HTT-AS: variants seen among roughly 807,000 people sequenced by gnomAD.
HTT-AS encodes HTT antisense RNA.
chr4:3,049,906 T>TCACACACACACACA (rs57430954), intron 2 of HTT-AS, among the ~76,000 whole-genome samples: 4 of 134,676 alleles, frequency 3.0e-5, no homozygotes, highest in Admixed American at 7.7e-5. Context: ...TTGTAAGTTA[T>TCACACACACACACA]CACACACACA....
chr4:3,055,492 C>T (rs181777356), intron 2 of HTT-AS, among the ~76,000 whole-genome samples: 7 of 152,192 alleles, frequency 4.6e-5, no homozygotes, highest in Non-Finnish European at 8.8e-5. Context: ...GCGATAGTAA[C>T]TAAGCTAAAA....
intron 2 of HTT-AS, among the ~76,000 whole-genome samples, chr4:3,059,982 C>T (rs188112167): frequency 7.0e-6 from 1 of 143,790 alleles, no homozygotes; most frequent in Non-Finnish European, 1.5e-5. Flanking sequence ...AGTTCAGTGG[C>T]GTGATCTCAG....
chr4:3,074,541 G>C (rs1274170366), upstream of HTT-AS: 1 of 324,214 alleles, frequency 3.1e-6, no homozygotes, highest in Non-Finnish European at 5.4e-6. Context: ...GCGGGGGCAG[G>C]GGCGGGCTGG....
At chr4:3,066,011 A>C (rs1461238681) in intron 1 of HTT-AS, among the ~76,000 whole-genome samples, 1 of 152,266 alleles carries the variant, frequency 6.6e-6, no homozygotes. Context: ...TAATGAACAT[A>C]ATGAATAAAT....
chr4:3,070,571 T>C (rs1174750911), intron 1 of HTT-AS, among the ~76,000 whole-genome samples: 1 of 152,196 alleles, frequency 6.6e-6, no homozygotes, highest in Non-Finnish European at 1.5e-5. Context: ...ATTACAGGTG[T>C]GAGCCACTGC....
intron 2 of HTT-AS, among the ~76,000 whole-genome samples, chr4:3,061,768 T>C (rs1261014678): frequency 6.7e-6 from 1 of 148,608 alleles, no homozygotes; most frequent in Non-Finnish European, 1.5e-5. Context: ...GGTCACAAAG[T>C]CAGGAGATTG....
At chr4:3,050,934 A>G (rs1711688971) in intron 2 of HTT-AS, among the ~76,000 whole-genome samples, 1 of 152,296 alleles carries the variant, frequency 6.6e-6, no homozygotes, top group Non-Finnish European at 1.5e-5. Context: ...TGGGAAGCCT[A>G]TCAAATATAT....
chr4:3,048,298 A>G (rs1711637459), downstream of HTT-AS, among the ~76,000 whole-genome samples: 1 of 152,142 alleles, frequency 6.6e-6, no homozygotes, highest in Non-Finnish European at 1.5e-5. Context: ...TGGTCTCAGC[A>G]CGTCATTCAT....
chr4:3,074,491 C>G (rs913220221), exon 1 of HTT-AS: 1 of 247,504 alleles, frequency 4.0e-6, no homozygotes, highest in Non-Finnish European at 7.5e-6. Flanking sequence ...CCGGGTGGGG[C>G]GCTGCGCTGT....
chr4:3,069,806 T>C (rs550585633), intron 1 of HTT-AS, among the ~76,000 whole-genome samples: 2 of 152,272 alleles, frequency 1.3e-5, no homozygotes, highest in East Asian at 3.9e-4. Flanking sequence ...CTCTGGAAGG[T>C]TCCTGCCTGT....
intron 2 of HTT-AS, among the ~76,000 whole-genome samples, chr4:3,058,153 C>T (rs563234944): frequency 6.6e-6 from 1 of 151,598 alleles, no homozygotes; most frequent in East Asian, 2.0e-4. Flanking sequence ...ATGGAGAAAC[C>T]CCATCTCTAC....
intron 2 of HTT-AS, among the ~76,000 whole-genome samples, chr4:3,057,549 G>A (rs112509528): frequency 3.5e-4 from 53 of 152,324 alleles, no homozygotes; most frequent in African/African-American, 6.5e-4. Context: ...AGTTTACTAA[G>A]AAAGCCAAGG....
intron 1 of HTT-AS, among the ~76,000 whole-genome samples, chr4:3,065,085 AC>A (rs1161640383): frequency 6.6e-6 from 1 of 152,162 alleles, no homozygotes; most frequent in Admixed American, 6.5e-5. Context: ...CAAATTCAAC[AC>A]CTACTTTTTA....
At chr4:3,049,279 C>T (rs1414518246) in exon 3 of HTT-AS, among the ~76,000 whole-genome samples, 1 of 152,102 alleles carries the variant, frequency 6.6e-6, no homozygotes, top group Non-Finnish European at 1.5e-5. Context: ...CAAAAATTAG[C>T]TTGGTGTGGT....
intron 1 of HTT-AS, among the ~76,000 whole-genome samples, chr4:3,072,565 T>C (rs1310648866): frequency 6.6e-6 from 1 of 152,186 alleles, no homozygotes; most frequent in Non-Finnish European, 1.5e-5. Flanking sequence ...CTGAGGTAAC[T>C]AACAACCTTG....
At chr4:3,073,344 C>T (rs1360468921) in intron 1 of HTT-AS, among the ~76,000 whole-genome samples, 1 of 152,232 alleles carries the variant, frequency 6.6e-6, no homozygotes, top group Non-Finnish European at 1.5e-5. Flanking sequence ...GTTTGCCCCT[C>T]TACCACCCAA....
At chr4:3,047,184 A>G (rs942213851), downstream of HTT-AS, among the ~76,000 whole-genome samples, 77 of 152,046 alleles carry the variant, frequency 5.1e-4, no homozygotes, top group East Asian at 1.4e-3. Flanking sequence ...GGTGGCGTGC[A>G]CCTGTAGTCC....
At chr4:3,067,325 C>G (rs1578469866) in intron 1 of HTT-AS, among the ~76,000 whole-genome samples, 1 of 152,162 alleles carries the variant, frequency 6.6e-6, no homozygotes, top group Non-Finnish European at 1.5e-5. Context: ...GACTGAGAGG[C>G]TTCGAAACTG....
At chr4:3,060,974 AC>A (rs1449442848) in intron 2 of HTT-AS, among the ~76,000 whole-genome samples, 1 of 152,186 alleles carries the variant, frequency 6.6e-6, no homozygotes, top group Non-Finnish European at 1.5e-5. Flanking sequence ...AGGCTGGAAG[AC>A]CCACTGGGGC....
Sources: gnomAD v4.1 joint callset for allele counts (sites outside exome capture counted in the v4.1 genomes callset) on GRCh38, gnomAD v4.1.1 for gene constraint, MANE v1.5 for transcripts, NCBI Gene and HGNC (gene_info 2026-07-23, HGNC 2026-07-21) for gene names.